Variants in PPFIBP2 observed in about 807,000 individuals in gnomAD.
PPFIBP2 encodes PPFIB scaffold protein 2.
PPFIBP2 carries 118 observed loss-of-function variants against 118.3 expected under a neutral mutation model. The ratio of observed to expected loss-of-function variants is 1.00; its 90% CI spans 0.86 to 1.16. PPFIBP2 has a LOEUF of 1.16. Among genes scored for constraint, PPFIBP2 ranks in the 50% most tolerant of loss-of-function variants. The pLI is 0.00. For synonymous variants in PPFIBP2, 414 were observed against 397.4 expected (o/e 1.04, Z -0.50); for missense variants, 1,195 against 1,073.1 (o/e 1.11, Z -1.59).
intron 21 of PPFIBP2, among the ~76,000 whole-genome samples, chr11:7,650,286 A>G (rs1408268041): frequency 6.6e-6 from 1 of 152,180 alleles, no homozygotes; most frequent in Non-Finnish European, 1.5e-5. Flanking sequence ...AAATTAACTC[A>G]GCTTCCTGGG....
intron 21 of PPFIBP2, among the ~76,000 whole-genome samples, chr11:7,650,562 C>T (rs1230978292): frequency 2.0e-5 from 3 of 152,202 alleles, no homozygotes; most frequent in African/African-American, 7.2e-5. Flanking sequence ...ATAATGTCCT[C>T]ATTTATTTGT....
chr11:7,648,984 T>C, intron 19 of PPFIBP2, 73 bp downstream of exon 19: 1 of 1,437,928 alleles, frequency 7.0e-7, no homozygotes, highest in Non-Finnish European at 9.8e-7. Flanking sequence ...TCCTGTTAAA[T>C]GGGTACCTCA....
At chr11:7,595,832 A>G (rs1860182149) in intron 4 of PPFIBP2, among the ~76,000 whole-genome samples, 1 of 152,180 alleles carries the variant, frequency 6.6e-6, no homozygotes, top group South Asian at 2.1e-4. Context: ...GTTAAAAACA[A>G]AACCAGAATC....
Position 7,567,734 on chromosome 11 carries a change from T to A in PPFIBP2, c.279+1967T>A, listed in dbSNP as rs188743064. Among the ~76,000 whole-genome samples, 759 of 149,804 alleles carry A rather than the reference T, an allele frequency of 5.1e-3. 11 individuals are homozygous for A. The highest frequency in any genetic ancestry group is 0.018 in the African/African-American group (720 of 39,154). On this transcript the variant is annotated intron_variant, in intron 3 of 23. Transcript: ENST00000299492. Reference sequence around the variant, plus strand: ...ATAGAATTCAGACTGGTGAGCAAACTCATCAAGTGCTTTAGATTGACACTT... The same window carrying A: ...ATAGAATTCAGACTGGTGAGCAAACACATCAAGTGCTTTAGATTGACACTT...
At chr11:7,527,860 G>A (rs1239615524) in intron 1 of PPFIBP2, among the ~76,000 whole-genome samples, 1 of 152,152 alleles carries the variant, frequency 6.6e-6, no homozygotes, top group Non-Finnish European at 1.5e-5. Context: ...AAGAGTAAAC[G>A]AAGTTAAATA....
intron 2 of PPFIBP2, among the ~76,000 whole-genome samples, chr11:7,562,929 TTATA>T (rs60848890): frequency 0.034 from 2,864 of 85,240 alleles, 137 homozygotes; most frequent in Admixed American, 0.062. Flanking sequence ...AATTAAAGTT[TTATA>T]TATATATATA....
At chr11:7,572,275 T>TC (rs1855737685) in intron 3 of PPFIBP2, among the ~76,000 whole-genome samples, 1 of 152,124 alleles carries the variant, frequency 6.6e-6, no homozygotes, top group Admixed American at 6.5e-5. Flanking sequence ...AAGCTTCCTG[T>TC]CCCCTGGGGG....
chr11:7,657,256 C>T (rs1188357526), downstream of PPFIBP2: 3 of 162,718 alleles, frequency 1.8e-5, no homozygotes, highest in South Asian at 1.8e-4. Context: ...GAGGTCCCTC[C>T]GGGGCTGCTT....
chr11:7,631,032 C>T lies in PPFIBP2; in HGVS notation c.1068+4C>T. ...TGAAGAATTATTTAAACAAGAGGTA[C>T]TGTGTTTCCATCCATGACGTAGGGT... On this transcript the variant is annotated splice_donor_region_variant and intron_variant, in intron 11 of 23. Coordinates refer to ENST00000299492, the MANE Select transcript of PPFIBP2 (RefSeq NM_003621.5). The T allele has an allele frequency of 6.2e-7, 1 of 1,608,534 alleles. No homozygotes were observed. The highest frequency in any genetic ancestry group is 1.1e-5 in the South Asian group (1 of 90,950).
intron 2 of PPFIBP2, among the ~76,000 whole-genome samples, chr11:7,564,691 G>A (rs763122566): frequency 5.3e-5 from 8 of 152,194 alleles, no homozygotes; most frequent in African/African-American, 1.7e-4. Context: ...GGCTCATGGG[G>A]GCTTGGAAGA....
At chr11:7,523,823 T>G (rs748310965) in intron 1 of PPFIBP2, among the ~76,000 whole-genome samples, 2 of 152,180 alleles carry the variant, frequency 1.3e-5, no homozygotes, top group Non-Finnish European at 2.9e-5. Flanking sequence ...GTGATCCAGA[T>G]CTCAGGATTT....
intron 3 of PPFIBP2, 92 bp from the exon 4 acceptor site, chr11:7,593,040 C>T: frequency 6.6e-7 from 1 of 1,521,364 alleles, no homozygotes; most frequent in Non-Finnish European, 8.8e-7. Flanking sequence ...AAACTATCCT[C>T]ACAAATTACA....
intron 1 of PPFIBP2, among the ~76,000 whole-genome samples, chr11:7,537,729 T>G (rs1851353376): frequency 6.6e-6 from 1 of 152,168 alleles, no homozygotes; most frequent in Non-Finnish European, 1.5e-5. Flanking sequence ...CTGATGGGGT[T>G]TGGTGATGCT....
intron 23 of PPFIBP2, among the ~76,000 whole-genome samples, chr11:7,652,150 C>A (rs776446758): frequency 6.6e-6 from 1 of 152,252 alleles, no homozygotes; most frequent in African/African-American, 2.4e-5. Flanking sequence ...CCTTGCAGAG[C>A]GGAAGCGCTC....
intron 5 of PPFIBP2, among the ~76,000 whole-genome samples, chr11:7,602,195 A>G (rs976429180): frequency 6.6e-6 from 1 of 152,092 alleles, no homozygotes; most frequent in Non-Finnish European, 1.5e-5. Context: ...GAGCCTGAAA[A>G]TAGAACTCAC....
intron 17 of PPFIBP2, 63 bp downstream of exon 17, chr11:7,642,489 C>G: frequency 9.8e-6 from 15 of 1,535,082 alleles, no homozygotes; most frequent in Non-Finnish European, 1.3e-5. Context: ...TCCCTTCAAA[C>G]CTGCATGGGT....
chr11:7,579,781 C>G (rs536657258), intron 3 of PPFIBP2, among the ~76,000 whole-genome samples: 2 of 152,234 alleles, frequency 1.3e-5, no homozygotes, highest in South Asian at 4.1e-4. Flanking sequence ...ACTTTAGAAA[C>G]CCCCAGGATG....
intron 12 of PPFIBP2, among the ~76,000 whole-genome samples, chr11:7,633,808 C>T (rs1298192647): frequency 1.3e-5 from 2 of 152,218 alleles, no homozygotes; most frequent in Non-Finnish European, 2.9e-5. Flanking sequence ...CTCGGACTGA[C>T]CAGATTTACA....
At chr11:7,553,269 A>G (rs1321404982) in intron 2 of PPFIBP2, among the ~76,000 whole-genome samples, 1 of 152,176 alleles carries the variant, frequency 6.6e-6, no homozygotes, top group Non-Finnish European at 1.5e-5. Context: ...CCCATGAACC[A>G]TCCCTGAAGT....
Sources: allele counts gnomAD v4.1 joint callset (sites outside exome capture counted in the v4.1 genomes callset), GRCh38; gene constraint gnomAD v4.1.1; transcripts MANE v1.5; gene names NCBI Gene and HGNC (gene_info 2026-07-23, HGNC 2026-07-21).